Variants in ALOX5 observed in about 807,000 individuals in gnomAD.
ALOX5 encodes arachidonate 5-lipoxygenase, also known as polyunsaturated fatty acid 5-lipoxygenase.
Under a neutral mutation model 87.9 loss-of-function variants are expected in ALOX5, and 64 were observed. The observed-to-expected ratio is 0.73, with a 90% CI of 0.60 to 0.90. The LOEUF is 0.90. Among genes scored for constraint, ALOX5 ranks in the 40% least tolerant of loss-of-function variants. The pLI is 0.00. For missense variants in ALOX5, 822 were observed against 907.5 expected, an observed-to-expected ratio of 0.91 and a Z score of 1.21; for synonymous variants, 388 against 355.1, an observed-to-expected ratio of 1.09 and a Z score of -1.04.
intron 1 of ALOX5, among the ~76,000 whole-genome samples, chr10:45,375,605 T>C (rs868387656): frequency 3.7e-4 from 56 of 152,250 alleles, no homozygotes; most frequent in African/African-American, 1.3e-3. Flanking sequence ...AACTGATTAC[T>C]CTTGGATAAA....
chr10:45,402,525 G>C (rs553599456), intron 3 of ALOX5, among the ~76,000 whole-genome samples: 1 of 152,184 alleles, frequency 6.6e-6, no homozygotes, highest in Non-Finnish European at 1.5e-5. Flanking sequence ...TCCACCTCTT[G>C]CCATTCAGGA....
intron 2 of ALOX5, among the ~76,000 whole-genome samples, chr10:45,394,672 T>C (rs1840432571): frequency 6.6e-6 from 1 of 152,052 alleles, no homozygotes. Context: ...ACAGGCAACC[T>C]ACAGAATGGG....
intron 4 of ALOX5, among the ~76,000 whole-genome samples, chr10:45,421,424 C>T (rs1841503999): frequency 6.6e-6 from 1 of 152,252 alleles, no homozygotes; most frequent in Admixed American, 6.5e-5. Flanking sequence ...CACCCTCTGG[C>T]ACTGGGCCAT....
chr10:45,387,490 C>T (rs1007649540), intron 2 of ALOX5, among the ~76,000 whole-genome samples: 20 of 152,176 alleles, frequency 1.3e-4, no homozygotes, highest in African/African-American at 4.6e-4. Context: ...CCAAGGGCCA[C>T]GAAATGCCTT....
intron 3 of ALOX5, among the ~76,000 whole-genome samples, chr10:45,407,402 TCC>T (rs34388842): frequency 8.5e-5 from 12 of 141,304 alleles, no homozygotes; most frequent in South Asian, 2.2e-4. Flanking sequence ...TTTTTTTTTT[TCC>T]CCCCCACCTA....
chr10:45,418,006 CATT>C (rs1425028067), intron 4 of ALOX5, among the ~76,000 whole-genome samples: 8 of 152,338 alleles, frequency 5.3e-5, no homozygotes, highest in Non-Finnish European at 1.2e-4. Context: ...ATCGTCCTGT[CATT>C]AGCCCCTTGA....
At chr10:45,414,956 G>GAGA (rs1406481019) in intron 4 of ALOX5, among the ~76,000 whole-genome samples, 3 of 152,244 alleles carry the variant, frequency 2.0e-5, no homozygotes, top group Non-Finnish European at 4.4e-5. Context: ...AGAGGATGTG[G>GAGA]AGAAGTAGGA....
intron 7 of ALOX5, among the ~76,000 whole-genome samples, chr10:45,435,774 T>C (rs964033074): frequency 6.6e-6 from 1 of 152,224 alleles, no homozygotes; most frequent in African/African-American, 2.4e-5. Context: ...TAAAACAATT[T>C]CTTTTCCTTT....
At chr10:45,438,379 G>A (rs1312323753) in intron 7 of ALOX5, among the ~76,000 whole-genome samples, 1 of 152,182 alleles carries the variant, frequency 6.6e-6, no homozygotes, top group African/African-American at 2.4e-5. Flanking sequence ...TGTAAAATGG[G>A]TACAGCAAGG....
In ALOX5 at chr10:45,441,433, G is replaced by A. The variant is rs1842231678; in HGVS notation, c.1272+3G>A. On this transcript the variant is annotated splice_donor_region_variant and intron_variant, in intron 9 of 13. Transcript: ENST00000374391. ...GCGAGTGTGGCCTCTTTGACAAGGT[G>A]GGTGCCCTCCTACCCTACTTGTTGC... The A allele has an allele frequency of 1.2e-6, 2 of 1,613,022 alleles. No individual in the cohort carries two copies. The highest frequency in any genetic ancestry group is 1.7e-4 in the Middle Eastern group (1 of 6,056).
intron 4 of ALOX5, among the ~76,000 whole-genome samples, chr10:45,412,758 A>G (rs1841113804): frequency 6.6e-6 from 1 of 152,224 alleles, no homozygotes; most frequent in African/African-American, 2.4e-5. Context: ...AGCCACAGTC[A>G]TCATCCCCAT....
At chr10:45,413,450 A>G (rs1589019583) in intron 4 of ALOX5, among the ~76,000 whole-genome samples, 2 of 152,368 alleles carry the variant, frequency 1.3e-5, no homozygotes, top group Non-Finnish European at 1.5e-5. Context: ...TCTCAAAATA[A>G]TAAGAGCTAT....
chr10:45,437,308 A>C (rs564205684), intron 7 of ALOX5, among the ~76,000 whole-genome samples: 1 of 152,332 alleles, frequency 6.6e-6, no homozygotes, highest in African/African-American at 2.4e-5. Flanking sequence ...AGCTGCGATC[A>C]CACCACTGCA....
chr10:45,411,664 C>T (rs1319018284), intron 3 of ALOX5, among the ~76,000 whole-genome samples: 1 of 152,150 alleles, frequency 6.6e-6, no homozygotes, highest in Non-Finnish European at 1.5e-5. Context: ...GTGCCTGGGT[C>T]CCTCTCCCAG....
chr10:45,428,833 C>T, intron 7 of ALOX5, 69 bp downstream of exon 7: 1 of 1,573,342 alleles, frequency 6.4e-7, no homozygotes, highest in South Asian at 1.1e-5. Context: ...CTGGGTGGCT[C>T]CATTCACACT....
At chr10:45,375,241 G>C (rs1839557560) in intron 1 of ALOX5, among the ~76,000 whole-genome samples, 1 of 152,172 alleles carries the variant, frequency 6.6e-6, no homozygotes, top group Non-Finnish European at 1.5e-5. Flanking sequence ...GTGAGGACGC[G>C]AGGGAGCCCT....
chr10:45,404,228 AAC>A (rs1840798289), intron 3 of ALOX5, among the ~76,000 whole-genome samples: 1 of 152,206 alleles, frequency 6.6e-6, no homozygotes, highest in East Asian at 1.9e-4. Flanking sequence ...CCGTTCAGGA[AAC>A]ACTGAACTTT....
chr10:45,377,575 C>T (rs1005999681), intron 1 of ALOX5, among the ~76,000 whole-genome samples: 5 of 152,056 alleles, frequency 3.3e-5, no homozygotes, highest in Admixed American at 6.6e-5. Context: ...TCCCTCTCTC[C>T]GTCCCTTGTT....
rs527746550 is a variant in ALOX5 at position 45,395,939 on chromosome 10, G to A, written c.431+3G>A. On this transcript the variant is annotated splice_donor_region_variant and intron_variant, in intron 3 of 13. Transcript: ENST00000374391. ...GAAACACGGCAAAAACAATATCGGT[G>A]AGTTATGACATCAGATCGAGTGGCC... 9.9e-6 allele frequency: 16 copies of A among 1,614,126 alleles called. No homozygotes were observed. The African/African-American group carries it at 1.6e-4, about 16-fold the overall frequency.
Sources: allele counts gnomAD v4.1 joint callset (sites outside exome capture counted in the v4.1 genomes callset), GRCh38; gene constraint gnomAD v4.1.1; transcripts MANE v1.5; gene names NCBI Gene and HGNC (gene_info 2026-07-23, HGNC 2026-07-21).